The following DOCK9 variants were observed in gnomAD, a reference collection of about 807,000 sequenced individuals.
DOCK9 encodes the protein dedicator of cytokinesis 9.
A neutral mutation model predicts 263.3 loss-of-function variants in DOCK9; 89 were observed. The observed-to-expected ratio is 0.34, with a 90% CI of 0.28 to 0.40. The LOEUF (loss-of-function observed/expected upper bound fraction) is 0.40. Ranked by LOEUF, DOCK9 falls within the 10% of genes least tolerant of loss-of-function variation. The pLI, the probability that DOCK9 is intolerant of heterozygous loss-of-function variation, is 1.00. For missense variants in DOCK9, 2,140 were observed against 2,603.4 expected (o/e 0.82, Z 3.87); for synonymous variants, 976 against 973.1 (o/e 1.00, Z -0.06).
chr13:99,017,828 C>T lies in DOCK9; in HGVS notation c.130-62277G>A, dbSNP rs558703572. Among the ~76,000 whole-genome samples the T allele has an allele frequency of 3.9e-5, 6 of 152,288 alleles. No homozygotes were observed. In the South Asian group the frequency reaches 1.0e-3, roughly 26 times the overall value. On this transcript the variant is annotated intron_variant, in intron 1 of 32. Transcript: ENST00000427887. Reference sequence around the variant, plus strand: ...CCACATTCAAAGCCAGCCTGGGCCACATGTGGCCTGAGGGCTGCGGGTAGG... The same window carrying T: ...CCACATTCAAAGCCAGCCTGGGCCATATGTGGCCTGAGGGCTGCGGGTAGG...
intron 27 of DOCK9, among the ~76,000 whole-genome samples, chr13:98,878,004 G>GGC (rs1385057424): frequency 1.3e-5 from 2 of 152,154 alleles, no homozygotes; most frequent in African/African-American, 4.8e-5. Flanking sequence ...TTCCGAATAT[G>GGC]GCTGCACTTT....
At chr13:98,880,223 C>T (rs1566826177) in intron 26 of DOCK9, among the ~76,000 whole-genome samples, 1 of 152,020 alleles carries the variant, frequency 6.6e-6, no homozygotes, top group Admixed American at 6.6e-5. Flanking sequence ...CAGCACGAGG[C>T]TCTGTGGGGT....
At chr13:98,965,840 C>G (rs1422117306) in intron 1 of DOCK9, among the ~76,000 whole-genome samples, 4 of 152,136 alleles carry the variant, frequency 2.6e-5, no homozygotes, top group African/African-American at 4.8e-5. Context: ...GTGGTGTTAT[C>G]CTAAGAACAG....
chr13:98,938,841 A>G (rs2055336517), intron 2 of DOCK9, among the ~76,000 whole-genome samples: 1 of 152,242 alleles, frequency 6.6e-6, no homozygotes, highest in Non-Finnish European at 1.5e-5. Context: ...TTAAAAGACC[A>G]ACAATAGGCC....
chr13:98,962,718 G>T (rs1283772200), intron 1 of DOCK9, among the ~76,000 whole-genome samples: 1 of 151,694 alleles, frequency 6.6e-6, no homozygotes. Flanking sequence ...ACAGGGACAT[G>T]CACAAAGGAA....
At chr13:98,956,810 G>T (rs1384301802) in intron 1 of DOCK9, among the ~76,000 whole-genome samples, 1 of 151,966 alleles carries the variant, frequency 6.6e-6, no homozygotes, top group Non-Finnish European at 1.5e-5. Context: ...GATTATTTTT[G>T]AAACTATAAT....
intron 1 of DOCK9, among the ~76,000 whole-genome samples, chr13:99,004,850 A>G (rs1883032004): frequency 1.3e-5 from 2 of 151,998 alleles, no homozygotes; most frequent in Admixed American, 1.3e-4. Flanking sequence ...ACACATATTC[A>G]TATCCAAACC....
At chr13:98,884,891 T>C in intron 21 of DOCK9, 80 bp downstream of exon 21, 1 of 1,459,148 alleles carries the variant, frequency 6.9e-7, no homozygotes, top group Non-Finnish European at 9.3e-7. Context: ...TGTTTGCTTT[T>C]TGTGTGTTAT....
intron 18 of DOCK9, among the ~76,000 whole-genome samples, chr13:98,887,650 A>G (rs946905574): frequency 2.0e-5 from 3 of 150,250 alleles, no homozygotes; most frequent in Non-Finnish European, 3.0e-5. Context: ...AAGGATAATA[A>G]TAATACTTAA....
chr13:99,026,076 CAAAAAA>C (rs1219581602), intron 1 of DOCK9, among the ~76,000 whole-genome samples: 3 of 27,232 alleles, frequency 1.1e-4, no homozygotes, highest in Non-Finnish European at 2.5e-4. Flanking sequence ...GACTCCGTCT[CAAAAAA>C]AAAAAAAAAA....
intron 27 of DOCK9, among the ~76,000 whole-genome samples, chr13:98,876,672 A>G (rs961323343): frequency 1.3e-5 from 2 of 152,228 alleles, no homozygotes; most frequent in African/African-American, 4.8e-5. Context: ...AAAACAACTA[A>G]TTCAAACAGA....
intron 47 of DOCK9, chr13:98,808,490 C>T (rs1365197139): frequency 1.6e-5 from 10 of 639,436 alleles, no homozygotes; most frequent in African/African-American, 3.7e-5. Flanking sequence ...TTTAAAGTTT[C>T]TCACGTAAAT....
At chr13:98,999,102 C>T (rs1881696309) in intron 1 of DOCK9, among the ~76,000 whole-genome samples, 1 of 152,164 alleles carries the variant, frequency 6.6e-6, no homozygotes, top group Admixed American at 6.5e-5. Context: ...TTCAGAGAGT[C>T]ACTGGCAATG....
intron 7 of DOCK9, among the ~76,000 whole-genome samples, chr13:98,920,038 T>C (rs1366135705): frequency 6.6e-6 from 1 of 152,066 alleles, no homozygotes; most frequent in Non-Finnish European, 1.5e-5. Flanking sequence ...GATGGATGGA[T>C]GGATGGATGG....
intron 39 of DOCK9, among the ~76,000 whole-genome samples, chr13:98,836,648 T>A (rs966036657): frequency 1.3e-5 from 2 of 152,110 alleles, no homozygotes; most frequent in African/African-American, 4.8e-5. Flanking sequence ...GGGCTCCTAG[T>A]AATGAGTTTC....
chr13:98,856,242 A>G (rs1419061227), intron 33 of DOCK9: 8 of 457,100 alleles, frequency 1.8e-5, no homozygotes, highest in Admixed American at 1.5e-4. Flanking sequence ...AGATGTAAAC[A>G]TCAATTCACT....
At chr13:98,814,741 C>T (rs1217189029) in intron 45 of DOCK9, among the ~76,000 whole-genome samples, 2 of 151,996 alleles carry the variant, frequency 1.3e-5, no homozygotes, top group Non-Finnish European at 2.9e-5. Context: ...GGGTTCAAGA[C>T]AAGCCTCAGC....
chr13:98,798,509 A>G (rs544962557), intron 50 of DOCK9, among the ~76,000 whole-genome samples: 2 of 150,064 alleles, frequency 1.3e-5, no homozygotes, highest in South Asian at 2.1e-4. Flanking sequence ...CGTGGGGGGA[A>G]CTGTATTCAT....
intron 45 of DOCK9, 34 bp from the exon 46 acceptor site, chr13:98,810,325 A>G (rs752527005): frequency 6.2e-7 from 1 of 1,610,402 alleles, no homozygotes; most frequent in South Asian, 1.1e-5. Context: ...GCAAGAGAAG[A>G]GCGTTATGGG....
Sources: gnomAD v4.1 joint callset for allele counts (sites outside exome capture counted in the v4.1 genomes callset) on GRCh38, gnomAD v4.1.1 for gene constraint, MANE v1.5 for transcripts, NCBI Gene and HGNC (gene_info 2026-07-23, HGNC 2026-07-21) for gene names.